CSF1R: variants seen among roughly 807,000 people sequenced by gnomAD.
CSF1R encodes colony stimulating factor 1 receptor.
A neutral mutation model predicts 110.0 loss-of-function variants in CSF1R; 40 were observed. That is an observed-to-expected ratio of 0.36 (90% CI 0.28 to 0.47). The LOEUF (loss-of-function observed/expected upper bound fraction) is 0.47, where lower values mean the gene tolerates loss of function less well. Ranked by LOEUF, CSF1R falls within the 20% of genes least tolerant of loss-of-function variation. The pLI, the probability that CSF1R is intolerant of heterozygous loss-of-function variation, is 0.99. For synonymous variants in CSF1R, 523 were observed against 503.4 expected, an observed-to-expected ratio of 1.04 and a Z score of -0.52; for missense variants, 1,052 against 1,253.0, an observed-to-expected ratio of 0.84 and a Z score of 2.42.
upstream of CSF1R, chr5:150,086,717 G>C: frequency 1.3e-5 from 5 of 393,452 alleles, no homozygotes; most frequent in Non-Finnish European, 1.9e-5. Flanking sequence ...GCCTGAGCTT[G>C]GGGGGAGCTA....
intron 1 of CSF1R, chr5:150,094,554 G>C: frequency 1.3e-6 from 2 of 1,596,130 alleles, no homozygotes. Context: ...CTATGTACCT[G>C]CAGAACCCAA....
Position 150,054,057 on chromosome 5 carries a change from G to A in CSF1R, c.*12C>T, listed in dbSNP as rs1757059014. Reference sequence around the variant, plus strand: ...GTGGGAGGGGAGAGTGGTACTCCCTGTCGTCAACTCCTCAGCAGAACTGAT... The same window carrying A: ...GTGGGAGGGGAGAGTGGTACTCCCTATCGTCAACTCCTCAGCAGAACTGAT... On this transcript the variant is annotated 3_prime_UTR_variant, in exon 21 of 21. Coordinates refer to ENST00000675795, the MANE Select transcript of CSF1R (RefSeq NM_001288705.3). 1.9e-6 allele frequency: 3 copies of A among 1,613,714 alleles called. No individual in the cohort carries two copies. Among genetic ancestry groups the A allele is most frequent in the Admixed American group, 1.7e-5 (1 of 59,998 alleles).
rs1202817638 is a variant in CSF1R at position 150,060,866 on chromosome 5, A to G, written c.1965T>C (p.His655=). The change falls in exon 13 of 21, where the codon CAT becomes CAC. Residue 655 remains histidine (H), a synonymous_variant. Transcript: ENST00000675795. ...NIVNLLGACT[H]GGPVLVITEY... is the part of the protein sequence containing the mutation. ...CAGGAACCCCAAGGCCCTTACCTCC[A>G]TGGGTACAGGCTCCCAGAAGGTTGA... is the stretch of plus-strand genomic sequence containing the variant. The G allele has an allele frequency of 1.2e-6, 2 of 1,605,262 alleles. No homozygotes were observed. Among genetic ancestry groups the G allele is most frequent in the Non-Finnish European group, 1.7e-6 (2 of 1,175,162 alleles).
Position 150,061,835 on chromosome 5 carries a change from C to A in CSF1R, c.1641G>T (p.Gln547His), listed in dbSNP as rs1484013873. ...AGCTCTCGATGATCTTCCAGCGGAC[C>A]TGGTACTTGGGCTTCTGCAGAAGAG... ...LYKYKQKPKY[Q>H]VRWKIIESYE... The change falls in exon 11 of 21, where the codon CAG becomes CAT. Residue 547 changes from glutamine (Q) to histidine (H), a missense_variant. Physicochemically the swap from Gln to His is conservative, Grantham distance 24 (BLOSUM62 0). Around this residue, in one of 5 missense-constraint regions of CSF1R, gnomAD observed 693 missense variants for 735.4 expected, o/e 0.94. Coordinates refer to ENST00000675795, the MANE Select transcript of CSF1R (RefSeq NM_001288705.3). The A allele has an allele frequency of 6.2e-7, 1 of 1,614,156 alleles. No homozygotes were observed. The highest frequency in any genetic ancestry group is 1.1e-5 in the South Asian group (1 of 91,066).
At chr5:150,058,564 T>C (rs1470201542) in intron 14 of CSF1R, among the ~76,000 whole-genome samples, 1 of 152,222 alleles carries the variant, frequency 6.6e-6, no homozygotes, top group African/African-American at 2.4e-5. Flanking sequence ...ACTTTCCCCA[T>C]CTGCGTATTT....
chr5:150,075,806 A>C (rs1758235114), intron 5 of CSF1R, among the ~76,000 whole-genome samples: 1 of 152,194 alleles, frequency 6.6e-6, no homozygotes. Context: ...AGACAGGATT[A>C]GAAGCCGTAA....
chr5:150,097,919 T>C (rs1396643576), intron 1 of CSF1R, among the ~76,000 whole-genome samples: 2 of 152,194 alleles, frequency 1.3e-5, no homozygotes, highest in Non-Finnish European at 1.5e-5. Flanking sequence ...AAAATTTATA[T>C]GGAAGCATAA....
At chr5:150,090,545 A>G (rs139588351), upstream of CSF1R, among the ~76,000 whole-genome samples, 3,657 of 152,320 alleles carry the variant, frequency 0.024, 53 homozygotes, top group South Asian at 0.059. Flanking sequence ...ATAATGTCAT[A>G]TAAATGGAAT....
In CSF1R at chr5:150,077,049, C is replaced by T. The variant is rs1758295638; in HGVS notation, c.889+227G>A. 1.5e-5 allele frequency: 9 copies of T among 599,540 alleles called. No individual in the cohort carries two copies. In the South Asian group the frequency reaches 1.7e-4, roughly 12 times the overall value. 37.1% of individuals were successfully genotyped at this position (599,540 alleles called of 1,614,324 possible). On this transcript the variant is annotated intron_variant, in intron 5 of 20. Coordinates refer to ENST00000675795, the MANE Select transcript of CSF1R (RefSeq NM_001288705.3). ...ACAAAAAATGGCACTAAGGTGCACC[C>T]AATGCAGCCATGCACTGTAAGAGCT...
At chr5:150,092,121 CTGCCATTGCAG>C (rs1759063167) in intron 1 of CSF1R, among the ~76,000 whole-genome samples, 2 of 152,204 alleles carry the variant, frequency 1.3e-5, no homozygotes, top group Non-Finnish European at 2.9e-5. Flanking sequence ...CTGCTTAATT[CTGCCATTGCAG>C]TGCAAAAGCA....
At position 150,069,758 on chromosome 5, in the gene CSF1R, C is replaced by T. The variant is rs1004260029; in HGVS notation, c.1510+115G>A. The T allele has an allele frequency of 2.4e-5, 25 of 1,047,742 alleles. No individual in the cohort carries two copies. In the African/African-American group the frequency reaches 3.7e-4, roughly 15 times the overall value. 64.9% of individuals were successfully genotyped at this position (1,047,742 alleles called of 1,614,324 possible). On this transcript the variant is annotated intron_variant, in intron 9 of 20. Transcript: ENST00000675795. ...GACCTTGGTACTGCTAGGATCTGCT[C>T]CAAAGGTGGAGCCAACCCCAGCTCC...
At position 150,068,203 on chromosome 5, in the gene CSF1R, G is replaced by T; in HGVS notation, c.1626+12C>A. Reference sequence around the variant, plus strand: ...CTCAGGCACCTGGCAGCCCCACTCCGCTCCGGCTCACCTGCTTATACTTGT... The same window carrying T: ...CTCAGGCACCTGGCAGCCCCACTCCTCTCCGGCTCACCTGCTTATACTTGT... On this transcript the variant is annotated intron_variant, in intron 10 of 20. Coordinates refer to ENST00000675795, the MANE Select transcript of CSF1R (RefSeq NM_001288705.3). 1.2e-6 allele frequency: 2 copies of T among 1,602,716 alleles called. No individual in the cohort carries two copies. Among genetic ancestry groups the T allele is most frequent in the Non-Finnish European group, 1.7e-6 (2 of 1,175,316 alleles).
At position 150,078,216 on chromosome 5, in the gene CSF1R, G is replaced by T; in HGVS notation, c.625C>A (p.Pro209Thr). The change falls in exon 4 of 21, where the codon CCT becomes ACT. Residue 209 changes from proline (P) to threonine (T), a missense_variant. Pro to Thr is a conservative substitution (Grantham distance 38). Around this residue, in one of 5 missense-constraint regions of CSF1R, gnomAD observed 693 missense variants for 735.4 expected, o/e 0.94. Coordinates refer to ENST00000675795, the MANE Select transcript of CSF1R (RefSeq NM_001288705.3). ...CCTCGAATCCGCACCAGCTCTGCAG[G>T]CACCAGTGTCAAGGCTGGGGGCCCT... Reference protein sequence around the residue: ...IPGPPALTLVPAELVRIRGEA... With the variant: ...IPGPPALTLVTAELVRIRGEA... The T allele has an allele frequency of 6.2e-7, 1 of 1,614,086 alleles. No individual in the cohort carries two copies. The highest frequency in any genetic ancestry group is 8.5e-7 in the Non-Finnish European group (1 of 1,179,986).
chr5:150,079,796 T>A (rs17110920), intron 3 of CSF1R, among the ~76,000 whole-genome samples: 5,470 of 152,360 alleles, frequency 0.036, 319 homozygotes, highest in African/African-American at 0.12. Flanking sequence ...TGAATGTTTA[T>A]TTTTGTAGCA....
intron 10 of CSF1R, chr5:150,067,116 G>C (rs939139863): frequency 9.2e-5 from 14 of 152,070 alleles, no homozygotes; most frequent in Non-Finnish European, 1.6e-4. Context: ...GTCTTTGTGT[G>C]GGCAGGCAGG....
chr5:150,058,156 C>G, intron 14 of CSF1R: 1 of 453,978 alleles, frequency 2.2e-6, no homozygotes. Context: ...GCTGCTTACG[C>G]TGCAACTCAT....
chr5:150,095,267 G>T (rs1369349673), intron 1 of CSF1R, among the ~76,000 whole-genome samples: 2 of 152,116 alleles, frequency 1.3e-5, no homozygotes, highest in Non-Finnish European at 2.9e-5. Flanking sequence ...TAGAAAACCT[G>T]AATAAAATCG....
Position 150,057,491 on chromosome 5 carries a change from G to A in CSF1R, c.2221+13C>T, listed in dbSNP as rs777951907. ...TATCAAGCAAATGGGGCCTGGCCCT[G>A]GGACCTCCTCACCTTGCTCAGAGAA... is the stretch of plus-strand genomic sequence containing the variant. On this transcript the variant is annotated intron_variant, in intron 15 of 20. Transcript: ENST00000675795. 1 of 1,613,636 alleles carries A rather than the reference G, an allele frequency of 6.2e-7. No homozygotes were observed. The highest frequency in any genetic ancestry group is 8.5e-7 in the Non-Finnish European group (1 of 1,179,532).
chr5:150,110,103 T>C (rs1581357160), intron 1 of CSF1R, among the ~76,000 whole-genome samples: 1 of 152,314 alleles, frequency 6.6e-6, no homozygotes, highest in Admixed American at 6.5e-5. Context: ...TTGACCTGAG[T>C]CACCTGCTCC....
Sources: gnomAD v4.1 joint callset for allele counts (sites outside exome capture counted in the v4.1 genomes callset) on GRCh38, gnomAD v4.1.1 for gene constraint, gnomAD v4.1.1 regional missense constraint, MANE v1.5 for transcripts, NCBI Gene and HGNC (gene_info 2026-07-23, HGNC 2026-07-21) for gene names.